Variants in ZNG1B observed in about 807,000 individuals in gnomAD.
ZNG1B encodes the protein Zn regulated GTPase metalloprotein activator 1B, also known as zinc-regulated GTPase metalloprotein activator 1B.
chr2:113,474,272 C>T, the ZNG1B span, among the ~76,000 whole-genome samples: 110 of 151,254 alleles, frequency 7.3e-4, no homozygotes, highest in African/African-American at 7.5e-4. Context: ...AGTTTATTTG[C>T]GTAGAGGTGT....
the ZNG1B span, chr2:113,455,513 T>A: frequency 9.8e-7 from 1 of 1,020,436 alleles, no homozygotes; most frequent in Non-Finnish European, 1.3e-6. Context: ...TCTTTAAAAG[T>A]ATGTTGTTAC....
the ZNG1B span, chr2:113,445,089 G>T: frequency 6.2e-7 from 1 of 1,603,196 alleles, no homozygotes; most frequent in Non-Finnish European, 8.5e-7. Context: ...CCAGAATATA[G>T]TTCTGTGATA....
At chr2:113,481,868 T>C in the ZNG1B span, 1 of 281,430 alleles carries the variant, frequency 3.6e-6, no homozygotes, top group South Asian at 4.7e-5. Context: ...TTAAACCTGT[T>C]GGAATGGTAA....
chr2:113,462,695 A>G, the ZNG1B span: 1 of 622,432 alleles, frequency 1.6e-6, no homozygotes, highest in Non-Finnish European at 2.7e-6. Context: ...CTTGCAGAAT[A>G]TAGTTCACAG....
chr2:113,493,187 A>T, the ZNG1B span, among the ~76,000 whole-genome samples: 15 of 133,332 alleles, frequency 1.1e-4, no homozygotes, highest in African/African-American at 3.8e-4. Flanking sequence ...GCACATGCTT[A>T]TTCAGTTAAA....
At chr2:113,463,420 A>G in the ZNG1B span, among the ~76,000 whole-genome samples, 8 of 152,188 alleles carry the variant, frequency 5.3e-5, no homozygotes, top group Non-Finnish European at 7.3e-5. Flanking sequence ...CATATAGTAT[A>G]TATTATAAAT....
the ZNG1B span, among the ~76,000 whole-genome samples, chr2:113,440,587 T>C: frequency 2.0e-5 from 3 of 152,150 alleles, no homozygotes; most frequent in Non-Finnish European, 4.4e-5. Flanking sequence ...AAGATATTAA[T>C]ACCCTAATAC....
At chr2:113,441,442 G>A in the ZNG1B span, 2 of 1,598,256 alleles carry the variant, frequency 1.3e-6, no homozygotes, top group Non-Finnish European at 1.7e-6. Context: ...GGGAAGGTAA[G>A]TAAAGTTCAA....
chr2:113,489,033 G>A, the ZNG1B span, among the ~76,000 whole-genome samples: 6 of 149,552 alleles, frequency 4.0e-5, no homozygotes, highest in Admixed American at 2.0e-4. Context: ...GAAATTCATC[G>A]CAAAAAGATC....
chr2:113,472,460 C>A, the ZNG1B span, among the ~76,000 whole-genome samples: 3 of 151,636 alleles, frequency 2.0e-5, no homozygotes, highest in East Asian at 5.8e-4. Context: ...ATGGTAGTTT[C>A]TTTTGCTGTG....
chr2:113,464,926 A>G, the ZNG1B span, among the ~76,000 whole-genome samples: 3 of 152,122 alleles, frequency 2.0e-5, no homozygotes, highest in Non-Finnish European at 4.4e-5. Context: ...GTATGAGTGG[A>G]ATATATGTGA....
the ZNG1B span, among the ~76,000 whole-genome samples, chr2:113,476,744 C>T: frequency 6.6e-6 from 1 of 151,958 alleles, no homozygotes; most frequent in Non-Finnish European, 1.5e-5. Context: ...ACAGACAGGA[C>T]CTTCAGCTGC....
the ZNG1B span, among the ~76,000 whole-genome samples, chr2:113,479,451 C>G: frequency 2.0e-5 from 3 of 150,886 alleles, no homozygotes; most frequent in Non-Finnish European, 4.4e-5. Context: ...TAAAAATGGT[C>G]TTTTTTTCCC....
At chr2:113,485,375 T>C in the ZNG1B span, among the ~76,000 whole-genome samples, 1 of 139,198 alleles carries the variant, frequency 7.2e-6, no homozygotes, top group Non-Finnish European at 1.5e-5. Flanking sequence ...AGGAGTGTTA[T>C]GTAAGCTAGA....
At chr2:113,456,734 T>C in the ZNG1B span, among the ~76,000 whole-genome samples, 50 of 152,312 alleles carry the variant, frequency 3.3e-4, no homozygotes, top group Admixed American at 1.3e-3. Context: ...ATGGAAACTT[T>C]AGATTTTCTA....
At chr2:113,487,588 T>G in the ZNG1B span, among the ~76,000 whole-genome samples, 1 of 151,460 alleles carries the variant, frequency 6.6e-6, no homozygotes, top group Non-Finnish European at 1.5e-5. Flanking sequence ...ATTTGATGAG[T>G]TTTACTGTTT....
chr2:113,474,203 T>G, the ZNG1B span, among the ~76,000 whole-genome samples: 2 of 152,156 alleles, frequency 1.3e-5, no homozygotes, highest in South Asian at 2.1e-4. Flanking sequence ...ACTTCTTCCT[T>G]GTTTAGTCTT....
the ZNG1B span, among the ~76,000 whole-genome samples, chr2:113,486,606 A>C: frequency 2.0e-5 from 3 of 152,090 alleles, no homozygotes; most frequent in Admixed American, 2.0e-4. Flanking sequence ...AATACAAAAA[A>C]TTAGCCAGGC....
At chr2:113,466,794 G>A in the ZNG1B span, 1 of 949,512 alleles carries the variant, frequency 1.1e-6, no homozygotes, top group Non-Finnish European at 1.3e-6. Flanking sequence ...GCTGGGCGCG[G>A]TGGCTCACGC....
Sources: gnomAD v4.1 joint callset for allele counts (sites outside exome capture counted in the v4.1 genomes callset) on GRCh38, gnomAD v4.1.1 for gene constraint, MANE v1.5 for transcripts, NCBI Gene and HGNC (gene_info 2026-07-23, HGNC 2026-07-21) for gene names.